The following SNX4 variants were observed in gnomAD, a reference collection of about 807,000 sequenced individuals.
The protein encoded by SNX4 is sorting nexin 4.
SNX4 carries 49 observed loss-of-function variants against 70.8 expected under a neutral mutation model. That is an observed-to-expected ratio of 0.69 (90% CI 0.55 to 0.88). The LOEUF (loss-of-function observed/expected upper bound fraction) is 0.88. Among genes scored for constraint, SNX4 ranks in the 40% least tolerant of loss-of-function variants. The pLI is 0.00. For synonymous variants in SNX4, 206 were observed against 183.8 expected (o/e 1.12, Z -0.98); for missense variants, 528 against 544.8 (o/e 0.97, Z 0.31).
intron 11 of SNX4, among the ~76,000 whole-genome samples, chr3:125,455,818 C>A (rs944261808): frequency 2.0e-5 from 3 of 152,022 alleles, no homozygotes; most frequent in African/African-American, 7.2e-5. Flanking sequence ...TTCAGACCAT[C>A]TTGGCTAACA....
rs775325527 is a variant in SNX4, at chr3:125,453,906, T to C, written c.1094A>G (p.Gln365Arg). ...LKGMTTKLFG[Q>R]ETPEQREARI... The stretch of plus-strand genomic sequence containing the variant: ...GGCTTCTCTCTGCTCTGGAGTTTCT[T>C]GACCAAAGAGCTTGGTAGTCATTCC... The change falls in exon 12 of 14, where the codon CAA becomes CGA. Residue 365 changes from glutamine to arginine, a missense_variant. By Grantham distance (43) the Gln-to-Arg change is conservative (BLOSUM62 1). This residue lies in a region of SNX4 where 159 missense variants were observed against 172.6 expected (regional missense o/e 0.92). Transcript: ENST00000251775. 8.1e-6 allele frequency: 13 copies of C among 1,614,040 alleles called. No individual in the cohort carries two copies. Among genetic ancestry groups the C allele is most frequent in the South Asian group, 4.4e-5 (4 of 91,066 alleles).
At position 125,491,830 on chromosome 3, in the gene SNX4, C is replaced by T. The variant is rs569769183; in HGVS notation, c.598-2367G>A. ...CGTTAAGAATATAAGAGCCATAAGC[C>T]GGGCACGGTGGCTTATGCCTGTAAT... is the stretch of plus-strand genomic sequence containing the variant. On this transcript the variant is annotated intron_variant, in intron 5 of 13. Transcript: ENST00000251775. Among the ~76,000 whole-genome samples, 10 of 152,214 alleles carry T rather than the reference C, an allele frequency of 6.6e-5. No homozygotes were observed. The East Asian group carries it at 1.9e-3, about 29-fold the overall frequency.
chr3:125,487,770 A>AC (rs1031448963), intron 6 of SNX4, among the ~76,000 whole-genome samples: 1 of 151,998 alleles, frequency 6.6e-6, no homozygotes, highest in Non-Finnish European at 1.5e-5. Flanking sequence ...AAAAAAAAAA[A>AC]CAAAACTATA....
chr3:125,460,842 A>G lies in SNX4; in HGVS notation c.873T>C (p.Asp291=). ...AATGTTCTTCATCTTCCAAAATATC[A>G]TCAATAGAAGATGCATACCTGTTTT... ...HHMDVYASSI[D]DILEDEEHYA... is the part of the protein sequence containing the mutation. The change falls in exon 10 of 14, where the codon GAT becomes GAC. Residue 291 remains aspartate (D), a synonymous_variant. Coordinates refer to ENST00000251775, the MANE Select transcript of SNX4 (RefSeq NM_003794.4). The G allele has an allele frequency of 6.6e-7, 1 of 1,526,190 alleles. No homozygotes were observed. The highest frequency in any genetic ancestry group is 8.9e-7 in the Non-Finnish European group (1 of 1,120,512). The allele number at this position is 1,526,190 out of a possible 1,614,324, so 94.5% of individuals were successfully genotyped here. A position where few individuals can be genotyped will look rare whatever the true frequency, so the allele number is the denominator to read the frequency against.
intron 7 of SNX4, 83 bp from the exon 8 acceptor site, chr3:125,476,839 T>C (rs1266453699): frequency 5.5e-6 from 4 of 732,240 alleles, no homozygotes; most frequent in South Asian, 1.7e-5. Flanking sequence ...ACAAAAAACA[T>C]GCTTACTACA....
intron 6 of SNX4, among the ~76,000 whole-genome samples, chr3:125,481,008 G>C (rs1004817455): frequency 9.2e-5 from 14 of 152,002 alleles, no homozygotes; most frequent in African/African-American, 3.4e-4. Context: ...GTCTCTCATA[G>C]ATTAAAATAC....
At chr3:125,451,526 G>C (rs1933572855) in intron 12 of SNX4, 107 bp from the exon 13 acceptor site, 1 of 718,476 alleles carries the variant, frequency 1.4e-6, no homozygotes, top group Non-Finnish European at 2.4e-6. Context: ...TATGTAGAAG[G>C]AAGAGTTATT....
chr3:125,482,929 T>C (rs982258883), intron 6 of SNX4, among the ~76,000 whole-genome samples: 3 of 152,002 alleles, frequency 2.0e-5, no homozygotes, highest in Non-Finnish European at 2.9e-5. Flanking sequence ...AGGTGGAAAA[T>C]GTACACTTGC....
At chr3:125,450,288 A>G (rs943875051) in intron 13 of SNX4, among the ~76,000 whole-genome samples, 1 of 152,240 alleles carries the variant, frequency 6.6e-6, no homozygotes, top group East Asian at 1.9e-4. Flanking sequence ...ACAGTAACTT[A>G]TAATTCACTG....
chr3:125,460,252 T>C (rs1359327628), intron 10 of SNX4, among the ~76,000 whole-genome samples: 1 of 151,558 alleles, frequency 6.6e-6, no homozygotes, highest in Non-Finnish European at 1.5e-5. Context: ...CCACCTATTC[T>C]GGGAAAATAA....
At chr3:125,488,953 G>A (rs1178018193) in intron 6 of SNX4, among the ~76,000 whole-genome samples, 1 of 152,166 alleles carries the variant, frequency 6.6e-6, no homozygotes, top group African/African-American at 2.4e-5. Context: ...ATATGGAAAT[G>A]CTCTCACAAA....
At chr3:125,465,240 CTT>C (rs76799258) in intron 9 of SNX4, among the ~76,000 whole-genome samples, 6 of 142,374 alleles carry the variant, frequency 4.2e-5, no homozygotes, top group Non-Finnish European at 4.7e-5. Context: ...TATAGTAAAT[CTT>C]TTTTTTTTTT....
intron 9 of SNX4, among the ~76,000 whole-genome samples, chr3:125,466,396 G>A (rs1478304600): frequency 6.7e-6 from 1 of 150,234 alleles, no homozygotes; most frequent in Non-Finnish European, 1.5e-5. Context: ...ATAGGCTATG[G>A]CAAAGATTTC....
intron 5 of SNX4, among the ~76,000 whole-genome samples, chr3:125,496,639 G>A (rs927881999): frequency 6.6e-6 from 1 of 152,036 alleles, no homozygotes. Flanking sequence ...AACCTTTGTT[G>A]TATTTCTTTT....
intron 8 of SNX4, among the ~76,000 whole-genome samples, chr3:125,470,746 T>C (rs908761620): frequency 2.0e-5 from 3 of 152,204 alleles, no homozygotes; most frequent in African/African-American, 7.2e-5. Context: ...TAACCCAGTC[T>C]GGTGTTCATC....
intron 11 of SNX4, among the ~76,000 whole-genome samples, chr3:125,456,477 A>C (rs1308757773): frequency 6.6e-6 from 1 of 152,022 alleles, no homozygotes; most frequent in Admixed American, 6.6e-5. Flanking sequence ...CCTGGTCAAC[A>C]TGATGAGACT....
At chr3:125,468,957 T>A (rs1264047948) in intron 9 of SNX4, among the ~76,000 whole-genome samples, 1 of 152,204 alleles carries the variant, frequency 6.6e-6, no homozygotes. Context: ...ATAGTTTTGC[T>A]TCTTCCTAAT....
chr3:125,498,088 T>C lies in SNX4; in HGVS notation c.370A>G (p.Ile124Val), dbSNP rs1934840240. 1 of 1,614,168 alleles carries C rather than the reference T, an allele frequency of 6.2e-7. No individual in the cohort carries two copies. The highest frequency in any genetic ancestry group is 1.3e-5 in the African/African-American group (1 of 75,050). ...TTTTCTGGCAGAGGTGGCACAACAA[T>C]ATGTGGATAGTAAACTAAAAGGTAG... ...RSYLLVYYPH[I>V]VVPPLPEKRA... Residue 124 changes from isoleucine to valine, a missense_variant, in exon 3 of 14, where the codon ATT (isoleucine) becomes GTT (valine). Around this residue, in one of 3 missense-constraint regions of SNX4, gnomAD observed 341 missense variants for 312.2 expected, o/e 1.09. Coordinates refer to ENST00000251775, the MANE Select transcript of SNX4 (RefSeq NM_003794.4).
At chr3:125,457,482 G>T in intron 10 of SNX4, 117 bp from the exon 11 acceptor site, 5 of 598,312 alleles carry the variant, frequency 8.4e-6, no homozygotes, top group South Asian at 1.7e-5. Flanking sequence ...TGTGTGCCCA[G>T]AATTTTCAAG....
Sources: gnomAD v4.1 joint callset for allele counts (sites outside exome capture counted in the v4.1 genomes callset) on GRCh38, gnomAD v4.1.1 for gene constraint, gnomAD v4.1.1 regional missense constraint, MANE v1.5 for transcripts, NCBI Gene and HGNC (gene_info 2026-07-23, HGNC 2026-07-21) for gene names.